The following EPS8 variants were observed in gnomAD, a reference collection of about 807,000 sequenced individuals.
The protein encoded by EPS8 is EGFR pathway substrate 8, signaling adaptor.
Under a neutral mutation model 103.8 loss-of-function variants are expected in EPS8, and 42 were observed. That is an observed-to-expected ratio of 0.40 (90% confidence interval 0.32 to 0.52). EPS8 has a LOEUF of 0.52. Among genes scored for constraint, EPS8 ranks in the 20% least tolerant of loss-of-function variants. EPS8 has a pLI of 0.40. For missense variants in EPS8, 969 were observed against 1,005.1 expected (o/e 0.96, Z 0.49); for synonymous variants, 344 against 344.6 (o/e 1.00, Z 0.02).
Position 15,620,517 on chromosome 12 carries a change from A to C in EPS8, c.*800T>G, listed in dbSNP as rs759501607. On this transcript the variant is annotated 3_prime_UTR_variant, in exon 21 of 21. Coordinates refer to ENST00000281172, the MANE Select transcript of EPS8 (RefSeq NM_004447.6). The stretch of plus-strand genomic sequence containing the variant: ...TTAACTACTCATATCAACATTCAGA[A>C]CTGAGGCTTTCATTAAGCAAAATAC... 1.3e-5 allele frequency: 2 copies of C among 152,634 alleles called. No individual in the cohort carries two copies. Among genetic ancestry groups the C allele is most frequent in the Non-Finnish European group, 2.9e-5 (2 of 68,040 alleles). The allele number at this position is 152,634 out of a possible 1,614,324, so 9.5% of individuals were successfully genotyped here.
At chr12:15,770,198 A>G (rs1219737441) in intron 1 of EPS8, among the ~76,000 whole-genome samples, 1 of 148,928 alleles carries the variant, frequency 6.7e-6, no homozygotes, top group African/African-American at 2.5e-5. Context: ...CCATGACTTA[A>G]GGATCACTTG....
intron 1 of EPS8, among the ~76,000 whole-genome samples, chr12:15,765,819 T>G (rs1394143319): frequency 2.7e-5 from 4 of 148,794 alleles, no homozygotes; most frequent in Admixed American, 1.3e-4. Flanking sequence ...TTTTTTTGGT[T>G]TTTTTTTTTT....
Position 15,696,976 on chromosome 12 carries a change from G to GT in EPS8, c.-21-14005dup, listed in dbSNP as rs1591868308. Among the ~76,000 whole-genome samples the GT allele has an allele frequency of 6.6e-6, 1 of 152,150 alleles. No homozygotes were observed. Among genetic ancestry groups the GT allele is most frequent in the African/African-American group, 2.4e-5 (1 of 41,436 alleles). ...GGGAATTTCAGATAGATTTGTTTGG[G>GT]TAAGTAAGCTATTTTAGGTCAGAAA... On this transcript the variant is annotated intron_variant, in intron 1 of 20. Coordinates refer to ENST00000281172, the MANE Select transcript of EPS8 (RefSeq NM_004447.6). This position sits in a 1 kb window ranked among gnomAD's most constrained non-coding sequence, Gnocchi z 4.8.
intron 17 of EPS8, among the ~76,000 whole-genome samples, chr12:15,635,126 CTGATTTT>C (rs1245887052): frequency 6.6e-6 from 1 of 152,038 alleles, no homozygotes; most frequent in Non-Finnish European, 1.5e-5. Flanking sequence ...GTTTAATTAG[CTGATTTT>C]ACAGAAGGTA....
Position 15,751,055 on chromosome 12 carries a change from C to A in EPS8, c.-22+38106G>T, listed in dbSNP as rs1290844532. ...AATAAGGACCAAATCCTTAGTTCAG[C>A]ATTCAAGAATCCACATTATCACCAG... On this transcript the variant is annotated intron_variant, in intron 1 of 20. Coordinates refer to ENST00000281172, the MANE Select transcript of EPS8 (RefSeq NM_004447.6). This position sits in a 1 kb window ranked among gnomAD's most constrained non-coding sequence, Gnocchi z 4.3. 6.6e-6 allele frequency among the ~76,000 whole-genome samples: 1 copy of A among 152,156 alleles called. No individual in the cohort carries two copies. The highest frequency in any genetic ancestry group is 1.5e-5 in the Non-Finnish European group (1 of 68,036).
intron 1 of EPS8, among the ~76,000 whole-genome samples, chr12:15,703,160 A>C (rs1369753700): frequency 6.6e-6 from 1 of 152,038 alleles, no homozygotes; most frequent in African/African-American, 2.4e-5. Context: ...AAAATAAATA[A>C]AAATAAAAAT....
intron 17 of EPS8, 51 bp from the exon 18 acceptor site, chr12:15,631,715 C>G: frequency 4.9e-6 from 7 of 1,419,028 alleles, no homozygotes; most frequent in Non-Finnish European, 6.7e-6. Context: ...TAAACCTAGG[C>G]TAGGAAAACA....
chr12:15,749,009 T>C lies in EPS8; in HGVS notation c.-22+40152A>G, dbSNP rs1946903277. Among the ~76,000 whole-genome samples, 1 of 152,160 alleles carries C rather than the reference T, an allele frequency of 6.6e-6. No individual in the cohort carries two copies. The highest frequency in any genetic ancestry group is 1.5e-5 in the Non-Finnish European group (1 of 68,030). On this transcript the variant is annotated intron_variant, in intron 1 of 20. Transcript: ENST00000281172. The surrounding 1 kb of genome is among the most constrained non-coding windows in gnomAD (Gnocchi z 4.0). ...CAGCAAAAGCAAATACTGAGACAAC[T>C]GATGCTAGAGAGAACTTAAGGCCCT... is the stretch of plus-strand genomic sequence containing the variant.
intron 1 of EPS8, among the ~76,000 whole-genome samples, chr12:15,786,140 G>A (rs1205514837): frequency 6.6e-6 from 1 of 151,892 alleles, no homozygotes; most frequent in Non-Finnish European, 1.5e-5. Flanking sequence ...GAGAAAAGTG[G>A]AAAAATCTGA....
At position 15,728,748 on chromosome 12, in the gene EPS8, GC is replaced by G. The variant is rs1946681583; in HGVS notation, c.-21-45777del. 6.6e-6 allele frequency among the ~76,000 whole-genome samples: 1 copy of G among 152,110 alleles called. No individual in the cohort carries two copies. The highest frequency in any genetic ancestry group is 1.5e-5 in the Non-Finnish European group (1 of 68,020). ...TAAGTTTAAACTGAAAATGTTTGTT[GC>G]AGAGATGCTATTTCTAGAAATATTT... is the stretch of plus-strand genomic sequence containing the variant. On this transcript the variant is annotated intron_variant, in intron 1 of 20. Transcript: ENST00000281172. The surrounding 1 kb of genome is among the most constrained non-coding windows in gnomAD (Gnocchi z 4.5).
intron 1 of EPS8, among the ~76,000 whole-genome samples, chr12:15,699,478 C>T (rs1946284722): frequency 6.6e-6 from 1 of 152,122 alleles, no homozygotes; most frequent in South Asian, 2.1e-4. Flanking sequence ...TATTTTCCTG[C>T]AGGATCATAT....
intron 15 of EPS8, among the ~76,000 whole-genome samples, chr12:15,642,194 A>G (rs1945243838): frequency 6.6e-6 from 1 of 152,114 alleles, no homozygotes; most frequent in Non-Finnish European, 1.5e-5. Context: ...TATTTTTCAT[A>G]AAGTTAAAGG....
intron 1 of EPS8, among the ~76,000 whole-genome samples, chr12:15,724,858 T>C (rs1175339943): frequency 6.6e-6 from 1 of 152,222 alleles, no homozygotes; most frequent in Non-Finnish European, 1.5e-5. Context: ...CCATTAAACC[T>C]CTTTTTCTTT....
Position 15,749,278 on chromosome 12 carries a change from C to A in EPS8, c.-22+39883G>T, listed in dbSNP as rs1330974217. On this transcript the variant is annotated intron_variant, in intron 1 of 20. Transcript: ENST00000281172. The surrounding 1 kb of genome is among the most constrained non-coding windows in gnomAD (Gnocchi z 4.0). ...CTTTTAATATAATATCCTTTTATAG[C>A]ACTCGCTGTCTGTGGCATTTCATTG... Among the ~76,000 whole-genome samples the A allele has an allele frequency of 6.6e-6, 1 of 152,072 alleles. No homozygotes were observed. Among genetic ancestry groups the A allele is most frequent in the African/African-American group, 2.4e-5 (1 of 41,410 alleles).
chr12:15,733,187 T>C lies in EPS8; in HGVS notation c.-21-50215A>G, dbSNP rs886816905. 2.6e-5 allele frequency among the ~76,000 whole-genome samples: 4 copies of C among 152,144 alleles called. No individual in the cohort carries two copies. Among genetic ancestry groups the C allele is most frequent in the African/African-American group, 9.7e-5 (4 of 41,434 alleles). On this transcript the variant is annotated intron_variant, in intron 1 of 20. Transcript: ENST00000281172. This position sits in a 1 kb window ranked among gnomAD's most constrained non-coding sequence, Gnocchi z 4.8. ...GGAAAGAGGTTTAATTGACTCACAG[T>C]TCCACGGGCTTAACAGGAAGCATAG...
intron 9 of EPS8, 43 bp downstream of exon 9, chr12:15,661,983 T>C: frequency 7.1e-7 from 1 of 1,411,802 alleles, no homozygotes; most frequent in South Asian, 1.3e-5. Flanking sequence ...CTTTTTCCTC[T>C]TAAAAGAAAA....
At chr12:15,712,114 C>G (rs1946473688) in intron 1 of EPS8, among the ~76,000 whole-genome samples, 1 of 152,026 alleles carries the variant, frequency 6.6e-6, no homozygotes. Flanking sequence ...ATGTTTGTCA[C>G]TAACTCAAGT....
At chr12:15,636,353 T>C (rs1396616857) in intron 17 of EPS8, among the ~76,000 whole-genome samples, 1 of 152,250 alleles carries the variant, frequency 6.6e-6, no homozygotes, top group African/African-American at 2.4e-5. Context: ...ATATCTTTTG[T>C]AAATTTTTAT....
chr12:15,714,492 A>C lies in EPS8; in HGVS notation c.-21-31520T>G, dbSNP rs1946506482. On this transcript the variant is annotated intron_variant, in intron 1 of 20. Transcript: ENST00000281172. The surrounding 1 kb of genome is among the most constrained non-coding windows in gnomAD (Gnocchi z 4.1). ...CCCCATCTCCACAAAAAATTCAGCA[A>C]TCAGCCAAGCATGGTGGTACACACC... Among the ~76,000 whole-genome samples, 1 of 152,042 alleles carries C rather than the reference A, an allele frequency of 6.6e-6. No individual in the cohort carries two copies. Among genetic ancestry groups the C allele is most frequent in the South Asian group, 2.1e-4 (1 of 4,816 alleles).
Sources: gnomAD v4.1 joint callset for allele counts (sites outside exome capture counted in the v4.1 genomes callset) on GRCh38, gnomAD v4.1.1 for gene constraint, Gnocchi (gnomAD v3.1) non-coding constraint, MANE v1.5 for transcripts, NCBI Gene and HGNC (gene_info 2026-07-23, HGNC 2026-07-21) for gene names.